Variants in CLIC5 observed in about 807,000 individuals in gnomAD.
The protein encoded by CLIC5 is CLIC family member 5.
In CLIC5, 20 loss-of-function variants were observed where a neutral mutation model predicts 24.7. The observed-to-expected ratio is 0.81, with a 90% CI of 0.57 to 1.18. The LOEUF is 1.18. CLIC5 is among the 50% of genes most tolerant of loss of function. The pLI is 0.00. For synonymous variants in CLIC5, 159 were observed against 135.6 expected, an observed-to-expected ratio of 1.17 and a Z score of -1.20; for missense variants, 341 against 326.1, an observed-to-expected ratio of 1.05 and a Z score of -0.35.
At position 45,999,732 on chromosome 6, in the gene CLIC5, G is replaced by GTTTTTTTTTTTTTTTT. The variant is rs1201850451; in HGVS notation, c.63+15732_63+15747dup. On this transcript the variant is annotated intron_variant, in intron 1 of 5. Coordinates refer to ENST00000339561, the MANE Select transcript of CLIC5 (RefSeq NM_016929.5). ...GTAAATCTATTTTCTCTTCCTTGTG[G>GTTTTTTTTTTTTTTTT]TTTTTTTTTTTTTTTTTTTTTTTTG... is the stretch of plus-strand genomic sequence containing the variant. Among the ~76,000 whole-genome samples, 4 of 50,848 alleles carry GTTTTTTTTTTTTTTTT rather than the reference G, an allele frequency of 7.9e-5. 1 individual carries two copies. The highest frequency in any genetic ancestry group is 3.8e-4 in the African/African-American group (4 of 10,450). 33.4% of individuals were successfully genotyped at this position (50,848 alleles called of 152,430 possible).
intron 1 of CLIC5, among the ~76,000 whole-genome samples, chr6:46,076,999 T>C (rs969874559): frequency 1.3e-5 from 2 of 151,796 alleles, no homozygotes; most frequent in African/African-American, 2.4e-5. Context: ...TACCTGGGCA[T>C]GGTGGCGCAT....
chr6:46,098,331 T>C, the CLIC5 span, among the ~76,000 whole-genome samples: 2 of 152,202 alleles, frequency 1.3e-5, no homozygotes, highest in Admixed American at 6.5e-5. Context: ...AGTAGTAAGA[T>C]TTCACTGGCA....
chr6:46,083,665 T>A (rs534338757), upstream of CLIC5, among the ~76,000 whole-genome samples: 1 of 152,350 alleles, frequency 6.6e-6, no homozygotes, highest in African/African-American at 2.4e-5. Flanking sequence ...TCTGTTCTTT[T>A]ACTTTTGCCG....
rs1011054276 is a variant in CLIC5 at position 46,036,594 on chromosome 6, G to A, written c.540+43109C>T. Among the ~76,000 whole-genome samples, 6 of 152,338 alleles carry A rather than the reference G, an allele frequency of 3.9e-5. No individual in the cohort carries two copies. In the South Asian group the frequency reaches 1.2e-3, roughly 32 times the overall value. On this transcript the variant is annotated intron_variant, in intron 1 of 5. Coordinates refer to the CLIC5 transcript ENST00000185206. Reference sequence around the variant, plus strand: ...CAAAGTGCTGGGATTACAGGCGTGAGCCACTGCGCCAGGCCGACTGCAAAG... The same window carrying A: ...CAAAGTGCTGGGATTACAGGCGTGAACCACTGCGCCAGGCCGACTGCAAAG...
chr6:46,107,722 G>T, the CLIC5 span, among the ~76,000 whole-genome samples: 1 of 152,018 alleles, frequency 6.6e-6, no homozygotes, highest in African/African-American at 2.4e-5. Context: ...TAAATTGAAG[G>T]AATAAAAATA....
intron 1 of CLIC5, among the ~76,000 whole-genome samples, chr6:45,974,294 A>G (rs1765304321): frequency 6.6e-6 from 1 of 151,990 alleles, no homozygotes; most frequent in Non-Finnish European, 1.5e-5. Flanking sequence ...TCAGAGTGAC[A>G]GCAAGAGTCA....
chr6:46,113,724 T>G, the CLIC5 span, among the ~76,000 whole-genome samples: 1 of 152,202 alleles, frequency 6.6e-6, no homozygotes, highest in Non-Finnish European at 1.5e-5. Flanking sequence ...CCTCAGAATA[T>G]GACTGCATTT....
the CLIC5 span, among the ~76,000 whole-genome samples, chr6:46,090,990 T>C: frequency 6.6e-6 from 1 of 152,172 alleles, no homozygotes; most frequent in Admixed American, 6.5e-5. Context: ...GTACCTCACC[T>C]CCATTTTCTG....
chr6:46,123,955 A>G, the CLIC5 span, among the ~76,000 whole-genome samples: 2 of 152,246 alleles, frequency 1.3e-5, no homozygotes, highest in Non-Finnish European at 2.9e-5. Context: ...ATGGAAGAAC[A>G]TTCCATGCTC....
chr6:46,093,944 T>C, the CLIC5 span, among the ~76,000 whole-genome samples: 1 of 152,220 alleles, frequency 6.6e-6, no homozygotes, highest in Non-Finnish European at 1.5e-5. Context: ...TTCTGCAGGC[T>C]GTATGGGAAG....
downstream of CLIC5, among the ~76,000 whole-genome samples, chr6:45,894,622 G>A (rs1301543394): frequency 6.6e-6 from 1 of 152,140 alleles, no homozygotes; most frequent in Non-Finnish European, 1.5e-5. Flanking sequence ...ACCAAGAAAA[G>A]CTAAGTTTAT....
At chr6:46,019,893 T>C (rs1003032979), upstream of CLIC5, among the ~76,000 whole-genome samples, 3 of 151,838 alleles carry the variant, frequency 2.0e-5, no homozygotes, top group African/African-American at 7.2e-5. Context: ...AATGCATATA[T>C]ACTTAATAAC....
chr6:45,886,356 C>T (rs928215989), intron 6 of CLIC5, among the ~76,000 whole-genome samples: 2 of 152,184 alleles, frequency 1.3e-5, no homozygotes, highest in South Asian at 2.1e-4. Context: ...GTGTGCTCAC[C>T]CTGAGCAGCC....
At chr6:45,882,241 T>TC (rs1235574523) in intron 6 of CLIC5, among the ~76,000 whole-genome samples, 3 of 152,222 alleles carry the variant, frequency 2.0e-5, no homozygotes, top group African/African-American at 7.2e-5. Context: ...GATACACATC[T>TC]CCCCACCCTT....
At chr6:45,976,733 A>G (rs545853718) in intron 1 of CLIC5, among the ~76,000 whole-genome samples, 8 of 152,230 alleles carry the variant, frequency 5.3e-5, no homozygotes, top group South Asian at 2.1e-4. Flanking sequence ...GATTCTCAGT[A>G]TTAATAATCA....
At chr6:45,962,188 A>G (rs775985528) in intron 1 of CLIC5, among the ~76,000 whole-genome samples, 4 of 149,874 alleles carry the variant, frequency 2.7e-5, no homozygotes, top group South Asian at 2.1e-4. Context: ...ATGTGTGTGT[A>G]TATATATATA....
chr6:45,958,714 T>C (rs1360495357), intron 1 of CLIC5, among the ~76,000 whole-genome samples: 1 of 151,876 alleles, frequency 6.6e-6, no homozygotes, highest in Non-Finnish European at 1.5e-5. Context: ...TATATGCTAT[T>C]ATATATTGCC....
chr6:45,950,755 C>T (rs1383608327), intron 2 of CLIC5, among the ~76,000 whole-genome samples: 1 of 152,154 alleles, frequency 6.6e-6, no homozygotes, highest in African/African-American at 2.4e-5. Context: ...AGTATTCATG[C>T]TCCACCATAG....
At chr6:46,036,269 T>G (rs893823998) in intron 1 of CLIC5, among the ~76,000 whole-genome samples, 4 of 152,080 alleles carry the variant, frequency 2.6e-5, no homozygotes, top group African/African-American at 9.7e-5. Context: ...AGTTTTCCTT[T>G]CATTCTTGTC....
Sources: allele counts gnomAD v4.1 joint callset (sites outside exome capture counted in the v4.1 genomes callset), GRCh38; gene constraint gnomAD v4.1.1; transcripts MANE v1.5; gene names NCBI Gene and HGNC (gene_info 2026-07-23, HGNC 2026-07-21).